Variants in AUTS2 observed in about 807,000 individuals in gnomAD.
AUTS2 encodes the protein autism susceptibility gene 2 protein.
AUTS2 carries 17 observed loss-of-function variants against 112.4 expected under a neutral mutation model. The ratio of observed to expected loss-of-function variants is 0.15; its 90% CI spans 0.10 to 0.23. The LOEUF (loss-of-function observed/expected upper bound fraction) is 0.23. Ranked by LOEUF, AUTS2 falls within the 10% of genes least tolerant of loss-of-function variation. The pLI is 1.00. For missense variants in AUTS2, 1,510 were observed against 1,701.6 expected (o/e 0.89, Z 1.98); for synonymous variants, 751 against 702.7 (o/e 1.07, Z -1.09).
intron 4 of AUTS2, among the ~76,000 whole-genome samples, chr7:70,224,685 C>G (rs1811674735): frequency 6.6e-6 from 1 of 152,158 alleles, no homozygotes; most frequent in African/African-American, 2.4e-5. Context: ...ATGCACTGCT[C>G]ACTCACTCAC....
chr7:70,193,825 A>G (rs1810030486), intron 4 of AUTS2, among the ~76,000 whole-genome samples: 1 of 152,220 alleles, frequency 6.6e-6, no homozygotes, highest in Non-Finnish European at 1.5e-5. Flanking sequence ...ACCTACTGTC[A>G]GTGTTATTTA....
intron 1 of AUTS2, among the ~76,000 whole-genome samples, chr7:69,700,862 T>C (rs1383162561): frequency 6.6e-6 from 1 of 152,222 alleles, no homozygotes; most frequent in African/African-American, 2.4e-5. Context: ...GCTATAATTT[T>C]TCTGGAGCTT....
intron 2 of AUTS2, among the ~76,000 whole-genome samples, chr7:70,097,379 C>T (rs537901913): frequency 2.9e-4 from 44 of 152,062 alleles, no homozygotes; most frequent in Non-Finnish European, 5.7e-4. Context: ...AGGTTCTCTC[C>T]CTAGATAGAC....
At chr7:70,651,835 T>C (rs1217244324) in intron 5 of AUTS2, among the ~76,000 whole-genome samples, 1 of 152,150 alleles carries the variant, frequency 6.6e-6, no homozygotes, top group East Asian at 1.9e-4. Flanking sequence ...TATTTGGAAC[T>C]GGGGCTGGTC....
intron 1 of AUTS2, among the ~76,000 whole-genome samples, chr7:69,780,738 T>G (rs1024474037): frequency 7.9e-5 from 12 of 152,208 alleles, no homozygotes; most frequent in African/African-American, 2.9e-4. Flanking sequence ...TGGTCACTGG[T>G]GAGTGTCATT....
intron 1 of AUTS2, among the ~76,000 whole-genome samples, chr7:69,700,899 G>A (rs1440256049): frequency 6.6e-6 from 1 of 152,140 alleles, no homozygotes; most frequent in African/African-American, 2.4e-5. Context: ...CCTGTTAATT[G>A]GTTCTTGGAG....
intron 1 of AUTS2, among the ~76,000 whole-genome samples, chr7:69,793,041 C>G (rs1789687004): frequency 6.6e-6 from 1 of 152,106 alleles, no homozygotes; most frequent in Non-Finnish European, 1.5e-5. Flanking sequence ...TTCAGTATAT[C>G]TTTCACAAAA....
At chr7:70,781,159 G>C (rs534742984) in intron 14 of AUTS2, among the ~76,000 whole-genome samples, 3 of 152,018 alleles carry the variant, frequency 2.0e-5, no homozygotes, top group Non-Finnish European at 4.4e-5. Flanking sequence ...TCAGGAGTTT[G>C]AGACCAGCCT....
intron 5 of AUTS2, chr7:70,436,590 C>T (rs1795903219): frequency 6.6e-6 from 1 of 152,220 alleles, no homozygotes; most frequent in Non-Finnish European, 1.5e-5. Flanking sequence ...ACCTGAATAT[C>T]ACGGTTTCTG....
chr7:69,664,460 A>C (rs148101738), intron 1 of AUTS2, among the ~76,000 whole-genome samples: 116 of 152,348 alleles, frequency 7.6e-4, no homozygotes, highest in Middle Eastern at 3.4e-3. Context: ...TAACTGTTTT[A>C]ATTAAAATTG....
At chr7:70,129,912 TG>T (rs1806184361) in intron 3 of AUTS2, among the ~76,000 whole-genome samples, 1 of 151,936 alleles carries the variant, frequency 6.6e-6, no homozygotes, top group African/African-American at 2.4e-5. Flanking sequence ...TGTGTGTGTG[TG>T]TGTGTGTGTG....
chr7:69,860,803 A>G (rs1293398876), intron 1 of AUTS2, among the ~76,000 whole-genome samples: 1 of 152,192 alleles, frequency 6.6e-6, no homozygotes, highest in Non-Finnish European at 1.5e-5. Flanking sequence ...TTCTGAGGGT[A>G]CTGCTTCTTG....
intron 5 of AUTS2, among the ~76,000 whole-genome samples, chr7:70,615,049 G>GAAC (rs1804284229): frequency 6.6e-6 from 1 of 152,160 alleles, no homozygotes; most frequent in African/African-American, 2.4e-5. Flanking sequence ...TAAAAATTAC[G>GAAC]AACGCTGGAT....
At chr7:69,976,320 T>C (rs1208731210) in intron 2 of AUTS2, among the ~76,000 whole-genome samples, 2 of 152,244 alleles carry the variant, frequency 1.3e-5, no homozygotes, top group South Asian at 2.1e-4. Context: ...TGTTGTAGCA[T>C]GTGACAAGAT....
chr7:70,786,231 C>G (rs927547511), intron 17 of AUTS2, among the ~76,000 whole-genome samples, 193 bp downstream of exon 17: 1 of 152,154 alleles, frequency 6.6e-6, no homozygotes, highest in African/African-American at 2.4e-5. Flanking sequence ...AGGGCAGCCC[C>G]CTGTGGCTAT....
rs73444337 is a variant in AUTS2 at position 70,139,740 on chromosome 7, C to T, written c.660+5169C>T. Reference sequence around the variant, plus strand: ...GAGGGCTGGGCACGGTGGCTCATGCCTATAATCCAGCATTTTGGGAGACTG... The same window carrying T: ...GAGGGCTGGGCACGGTGGCTCATGCTTATAATCCAGCATTTTGGGAGACTG... On this transcript the variant is annotated intron_variant, in intron 4 of 18. Transcript: ENST00000342771. Among the ~76,000 whole-genome samples the T allele has an allele frequency of 9.7e-3, 1,477 of 152,234 alleles. 30 individuals carry two copies. The highest frequency in any genetic ancestry group is 0.034 in the African/African-American group (1,393 of 41,544).
chr7:70,041,493 T>C (rs1801245644), intron 2 of AUTS2, among the ~76,000 whole-genome samples: 1 of 152,190 alleles, frequency 6.6e-6, no homozygotes, highest in Non-Finnish European at 1.5e-5. Context: ...GTTTCATTGA[T>C]AGTAATTCAC....
At chr7:70,291,968 T>G (rs1197386012) in intron 4 of AUTS2, 10 of 152,216 alleles carry the variant, frequency 6.6e-5, no homozygotes, top group Admixed American at 6.5e-4. Flanking sequence ...AGAGATGTCA[T>G]TATATGTGGT....
At chr7:70,545,206 C>T (rs1413592869) in intron 5 of AUTS2, among the ~76,000 whole-genome samples, 2 of 152,194 alleles carry the variant, frequency 1.3e-5, no homozygotes, top group African/African-American at 4.8e-5. Flanking sequence ...AAGAGAGCCA[C>T]CCAGCCAGGG....
Sources: gnomAD v4.1 joint callset for allele counts (sites outside exome capture counted in the v4.1 genomes callset) on GRCh38, gnomAD v4.1.1 for gene constraint, MANE v1.5 for transcripts, NCBI Gene and HGNC (gene_info 2026-07-23, HGNC 2026-07-21) for gene names.